Variants in ZMYND19 observed in about 807,000 individuals in gnomAD.
ZMYND19 encodes zinc finger MYND-type containing 19, also known as zinc finger MYND domain-containing protein 19.
ZMYND19 carries 17 observed loss-of-function variants against 32.0 expected under a neutral mutation model. That is an observed-to-expected ratio of 0.53 (90% CI 0.36 to 0.80). The LOEUF is 0.80. Among genes scored for constraint, ZMYND19 ranks in the 30% least tolerant of loss-of-function variants. ZMYND19 has a pLI of 0.00. For missense variants in ZMYND19, 250 were observed against 293.6 expected, an observed-to-expected ratio of 0.85 and a Z score of 1.09; for synonymous variants, 124 against 113.6, an observed-to-expected ratio of 1.09 and a Z score of -0.58.
chr9:137,590,461 GCGC>G lies in ZMYND19; in HGVS notation c.-201_-199del, dbSNP rs905828783. ...GCCTCGCGCCCGCCGGACCTGCCAC[GCGC>G]CGCCGCCGCCGCCGCCACCGCCACC... On this transcript the variant is annotated 5_prime_UTR_variant, in exon 1 of 6. Transcript: ENST00000298585. This position sits in a 1 kb window ranked among gnomAD's most constrained non-coding sequence, Gnocchi z 4.2. 131 of 176,316 alleles carry G rather than the reference GCGC, an allele frequency of 7.4e-4. No homozygotes were observed. Among genetic ancestry groups the G allele is most frequent in the African/African-American group, 1.9e-3 (77 of 41,224 alleles). 10.9% of individuals were successfully genotyped at this position (176,316 alleles called of 1,614,324 possible).
rs962808062 is a variant in ZMYND19 at position 137,590,008 on chromosome 9, G to C, written c.51+205C>G. The C allele has an allele frequency of 2.0e-6, 2 of 985,002 alleles. No individual in the cohort carries two copies. Among genetic ancestry groups the C allele is most frequent in the East Asian group, 1.1e-4 (1 of 8,800 alleles). The allele number at this position is 985,002 out of a possible 1,614,324, so 61.0% of individuals were successfully genotyped here. ...GGGTGGCCAGGTGCACCCCAGAGCCGAGGGGTGCGTGCCCGCCGGCCTGCG... is the reference window on the plus strand; with the variant it reads ...GGGTGGCCAGGTGCACCCCAGAGCCCAGGGGTGCGTGCCCGCCGGCCTGCG... On this transcript the variant is annotated intron_variant, in intron 1 of 5. Coordinates refer to ENST00000298585, the MANE Select transcript of ZMYND19 (RefSeq NM_138462.3). The surrounding 1 kb of genome is among the most constrained non-coding windows in gnomAD (Gnocchi z 4.2).
At chr9:137,587,852 A>G (rs112368444) in intron 2 of ZMYND19, 29 bp from the exon 3 acceptor site, 7 of 1,602,278 alleles carry the variant, frequency 4.4e-6, no homozygotes, top group Middle Eastern at 1.7e-4. Context: ...AAGAGCTGTT[A>G]AAAAACCTCC....
At chr9:137,584,627 C>T (rs1030777756) in intron 4 of ZMYND19, among the ~76,000 whole-genome samples, 4 of 152,224 alleles carry the variant, frequency 2.6e-5, no homozygotes, top group Non-Finnish European at 5.9e-5. Context: ...CAACACTGAG[C>T]ATGTATCAAT....
At chr9:137,589,813 C>T (rs1461764267) in intron 1 of ZMYND19, 2 of 985,362 alleles carry the variant, frequency 2.0e-6, no homozygotes, top group Admixed American at 1.2e-4. Context: ...GGAAAGGGCG[C>T]TGTGTTTAAA....
chr9:137,586,319 G>C (rs1052010004), intron 4 of ZMYND19, among the ~76,000 whole-genome samples: 11 of 150,766 alleles, frequency 7.3e-5, no homozygotes, highest in East Asian at 5.9e-4. Context: ...ATCCTGAGGT[G>C]AGCAGAGAAG....
intron 5 of ZMYND19, 84 bp from the exon 6 acceptor site, chr9:137,582,770 G>T (rs924442664): frequency 1.9e-5 from 30 of 1,554,684 alleles, no homozygotes; most frequent in Middle Eastern, 1.7e-4. Context: ...ACAATCTGAC[G>T]GACCCAGCAA....
Position 137,590,161 on chromosome 9 carries a change from C to G in ZMYND19, c.51+52G>C. On this transcript the variant is annotated intron_variant, in intron 1 of 5. Coordinates refer to ENST00000298585, the MANE Select transcript of ZMYND19 (RefSeq NM_138462.3). This position sits in a 1 kb window ranked among gnomAD's most constrained non-coding sequence, Gnocchi z 4.2. ...CCGCACAACCGCCCCCGGCCCCGCGCGGAGGCCTGGACGGGCGAGACGGGC... is the reference window on the plus strand; with the variant it reads ...CCGCACAACCGCCCCCGGCCCCGCGGGGAGGCCTGGACGGGCGAGACGGGC... 1.0e-6 allele frequency: 1 copy of G among 1,002,476 alleles called. No homozygotes were observed. The allele number at this position is 1,002,476 out of a possible 1,614,324, so 62.1% of individuals were successfully genotyped here.
At chr9:137,584,858 G>A (rs1483868588) in intron 4 of ZMYND19, among the ~76,000 whole-genome samples, 5 of 152,196 alleles carry the variant, frequency 3.3e-5, no homozygotes, top group Middle Eastern at 3.2e-3. Flanking sequence ...GAGTGGGGGC[G>A]CAGAGCTGGA....
chr9:137,589,698 C>T (rs1842248406), intron 1 of ZMYND19: 1 of 985,368 alleles, frequency 1.0e-6, no homozygotes, highest in Non-Finnish European at 1.2e-6. Flanking sequence ...GTGGCCAACC[C>T]CTGGCAGCGT....
intron 2 of ZMYND19, among the ~76,000 whole-genome samples, chr9:137,588,140 G>A (rs910193168): frequency 2.0e-5 from 3 of 152,226 alleles, no homozygotes; most frequent in Non-Finnish European, 2.9e-5. Context: ...CCCTGGAGAG[G>A]TCACTACTGT....
At chr9:137,587,987 C>G (rs1422919177) in intron 2 of ZMYND19, among the ~76,000 whole-genome samples, 164 bp from the exon 3 acceptor site, 1 of 152,230 alleles carries the variant, frequency 6.6e-6, no homozygotes, top group Admixed American at 6.5e-5. Flanking sequence ...GCACATGGCT[C>G]CCAGGGGCCA....
chr9:137,588,009 C>G (rs1232224233), intron 2 of ZMYND19, among the ~76,000 whole-genome samples, 186 bp from the exon 3 acceptor site: 1 of 152,224 alleles, frequency 6.6e-6, no homozygotes, highest in African/African-American at 2.4e-5. Context: ...CGTGGCCCAC[C>G]ACCACTCTGT....
At chr9:137,587,847 C>T in intron 2 of ZMYND19, 24 bp from the exon 3 acceptor site, 1 of 1,608,970 alleles carries the variant, frequency 6.2e-7, no homozygotes, top group Non-Finnish European at 8.5e-7. Flanking sequence ...AGGGAAAGAG[C>T]TGTTAAAAAA....
Position 137,583,143 on chromosome 9 carries a change from A to C in ZMYND19, c.380T>G (p.Leu127Arg). Reference sequence around the variant, plus strand: ...GTCTGTAGGCAGCTGCTGAATTGCAAGCCAATACAAGCTTTGCTCCCTTAA... The same window carrying C: ...GTCTGTAGGCAGCTGCTGAATTGCACGCCAATACAAGCTTTGCTCCCTTAA... Reference protein sequence around the residue: ...SKQREQSLYWLAIQQLPTDPI... With the variant: ...SKQREQSLYWRAIQQLPTDPI... The change falls in exon 5 of 6, where the codon CTT becomes CGT. Residue 127 changes from leucine (L) to arginine (R), a missense_variant. By Grantham distance (102) the Leu-to-Arg change is moderately radical. This residue lies in a region of ZMYND19 where 212 missense variants were observed against 218.8 expected (regional missense o/e 0.97). Coordinates refer to ENST00000298585, the MANE Select transcript of ZMYND19 (RefSeq NM_138462.3). 6.2e-7 allele frequency: 1 copy of C among 1,614,038 alleles called. No individual in the cohort carries two copies. The highest frequency in any genetic ancestry group is 8.5e-7 in the Non-Finnish European group (1 of 1,179,978).
At chr9:137,587,442 G>T (rs961698933) in intron 3 of ZMYND19, 1 of 593,040 alleles carries the variant, frequency 1.7e-6, no homozygotes, top group Non-Finnish European at 3.0e-6. Flanking sequence ...ACACCGGGGG[G>T]GCTCGGCAAA....
At chr9:137,589,252 T>TGGA in intron 1 of ZMYND19, 2 of 828,022 alleles carry the variant, frequency 2.4e-6, no homozygotes, top group South Asian at 1.1e-4. Flanking sequence ...CCGACCTGAC[T>TGGA]GGAGAGCCCA....
At position 137,590,221 on chromosome 9, in the gene ZMYND19, C is replaced by A. The variant is rs1842257723; in HGVS notation, c.43G>T (p.Ala15Ser). 1.8e-6 allele frequency: 2 copies of A among 1,136,786 alleles called. No individual in the cohort carries two copies. Among genetic ancestry groups the A allele is most frequent in the South Asian group, 2.0e-5 (1 of 51,250 alleles). The allele number at this position is 1,136,786 out of a possible 1,614,324, so 70.4% of individuals were successfully genotyped here. Residue 15 changes from alanine to serine, a missense_variant, in exon 1 of 6, where the codon GCC becomes TCC. This residue lies in a region of ZMYND19 where 212 missense variants were observed against 218.8 expected (regional missense o/e 0.97). Transcript: ENST00000298585. The surrounding 1 kb of genome is among the most constrained non-coding windows in gnomAD (Gnocchi z 4.2). ...GGCTCCGCGCCGCTCACCTTCCCGG[C>A]CACCCGGCCGAGCCGCACGATACCC... ...KLGIVRLGRV[A>S]GKTKYTLIDE...
chr9:137,586,208 T>C (rs556480734), intron 4 of ZMYND19, among the ~76,000 whole-genome samples: 1 of 152,326 alleles, frequency 6.6e-6, no homozygotes, highest in South Asian at 2.1e-4. Context: ...GAAAACTGTT[T>C]AGCAAAAGAA....
intron 4 of ZMYND19, among the ~76,000 whole-genome samples, chr9:137,583,620 G>A (rs1842171612): frequency 1.1e-5 from 1 of 90,058 alleles, no homozygotes; most frequent in Non-Finnish European, 2.1e-5. Context: ...CAAGAACGGA[G>A]CCTCAAAGGC....
Sources: gnomAD v4.1 joint callset for allele counts (sites outside exome capture counted in the v4.1 genomes callset) on GRCh38, gnomAD v4.1.1 for gene constraint, gnomAD v4.1.1 regional missense constraint, Gnocchi (gnomAD v3.1) non-coding constraint, MANE v1.5 for transcripts, NCBI Gene and HGNC (gene_info 2026-07-23, HGNC 2026-07-21) for gene names.